Variants in HUWE1 observed in about 807,000 individuals in gnomAD.
HUWE1 encodes HECT, UBA and WWE domain containing E3 ubiquitin protein ligase 1, also known as E3 ubiquitin-protein ligase HUWE1.
HUWE1 carries 18 observed loss-of-function variants against 299.4 expected under a neutral mutation model. That is an observed-to-expected ratio of 0.06 (90% CI 0.04 to 0.09). The LOEUF (loss-of-function observed/expected upper bound fraction) is 0.09. Ranked by LOEUF, HUWE1 falls within the 10% of genes least tolerant of loss-of-function variation. The pLI, the probability that HUWE1 is intolerant of heterozygous loss-of-function variation, is 1.00. For missense variants in HUWE1, 1,832 were observed against 3,462.3 expected (o/e 0.53, Z 11.82); for synonymous variants, 1,317 against 1,286.1 (o/e 1.02, Z -0.51).
chrX:53,679,173 GAAAAA>G (rs1310230952), intron 3 of HUWE1, among the ~76,000 whole-genome samples: 2 of 98,926 alleles, frequency 2.0e-5, no homozygotes, highest in Admixed American at 1.1e-4. Context: ...TAAATTGGAA[GAAAAA>G]AAAAACAAAA....
At chrX:53,642,147 G>A (rs2067640989) in intron 7 of HUWE1, among the ~76,000 whole-genome samples, 1 of 111,411 alleles carries the variant, frequency 9.0e-6, no homozygotes, top group South Asian at 3.7e-4. Flanking sequence ...CTGAAACCAT[G>A]GCAATCGAAA....
intron 23 of HUWE1, among the ~76,000 whole-genome samples, chrX:53,610,974 T>C (rs1266073853): frequency 9.1e-6 from 1 of 110,352 alleles, no homozygotes; most frequent in Non-Finnish European, 1.9e-5. Flanking sequence ...TATCAGATTT[T>C]CTGAGATCAA....
intron 19 of HUWE1, among the ~76,000 whole-genome samples, chrX:53,619,561 G>T (rs1315334523): frequency 1.6e-5 from 1 of 60,834 alleles, no homozygotes; most frequent in Non-Finnish European, 3.1e-5. Flanking sequence ...GTTTCCAGGA[G>T]AAAGTTAAAA....
At chrX:53,608,677 G>A (rs1556999198) in intron 24 of HUWE1, among the ~76,000 whole-genome samples, 175 bp downstream of exon 24, 1 of 111,931 alleles carries the variant, frequency 8.9e-6, no homozygotes, top group African/African-American at 3.2e-5. Flanking sequence ...GGCTTGTGTT[G>A]GCTAATTTCT....
intron 46 of HUWE1, 65 bp downstream of exon 46, chrX:53,575,090 T>C (rs1556957101): frequency 4.8e-6 from 4 of 836,635 alleles, no homozygotes; most frequent in South Asian, 4.3e-5. Flanking sequence ...ACAGGACACC[T>C]ACAGTTTTTT....
chrX:53,557,338 C>T, intron 60 of HUWE1, 44 bp downstream of exon 60: 1 of 1,129,714 alleles, frequency 8.9e-7, no homozygotes. Context: ...GATAAAGAAG[C>T]AACCAATTGA....
chrX:53,553,121 C>A (rs2061834476), intron 61 of HUWE1, among the ~76,000 whole-genome samples: 1 of 111,109 alleles, frequency 9.0e-6, no homozygotes, highest in African/African-American at 3.3e-5. Context: ...TGTGAAACAT[C>A]TTCCCTAGGC....
In HUWE1 at chrX:53,628,738, C is replaced by A; in HGVS notation, c.1114+14G>T. The A allele has an allele frequency of 8.3e-7, 1 of 1,210,952 alleles. No homozygotes were observed. Among genetic ancestry groups the A allele is most frequent in the Non-Finnish European group, 1.1e-6 (1 of 894,788 alleles). On this transcript the variant is annotated intron_variant, in intron 14 of 83. Transcript: ENST00000262854. Reference sequence around the variant, plus strand: ...TGTTTCTTCTTGCCTAAGATAATCACCATCAAAACTTACCAATCATGGCCT... The same window carrying A: ...TGTTTCTTCTTGCCTAAGATAATCAACATCAAAACTTACCAATCATGGCCT...
chrX:53,564,430 C>T (rs2062435126), intron 51 of HUWE1, 144 bp downstream of exon 51: 1 of 646,691 alleles, frequency 1.5e-6, no homozygotes, highest in African/African-American at 2.1e-5. Flanking sequence ...ATTTACTGAG[C>T]ATCTACTAAG....
In HUWE1 at chrX:53,628,537, C is replaced by T; in HGVS notation, c.1198G>A (p.Gly400Ser). 1 of 1,164,688 alleles carries T rather than the reference C, an allele frequency of 8.6e-7. No homozygotes were observed. Among genetic ancestry groups the T allele is most frequent in the Non-Finnish European group, 1.1e-6 (1 of 871,461 alleles). The change falls in exon 15 of 84, where the codon GGT becomes AGT. Residue 400 changes from glycine to serine, a missense_variant. By Grantham distance (56) the Gly-to-Ser change is moderately conservative. Transcript: ENST00000262854. ...LYHLASYDAG[G>S]EALVSCGMME... ...ATTCCACAGGAGACCAAGGCTTCAC[C>T]ACCAGCATCGTAGCTGGCCAGATGG...
Position 53,546,744 on chromosome X carries a change from G to A in HUWE1, c.10718C>T (p.Ser3573Phe), listed in dbSNP as rs1239091435. 1 of 1,209,414 alleles carries A rather than the reference G, an allele frequency of 8.3e-7. No individual in the cohort carries two copies. The highest frequency in any genetic ancestry group is 1.1e-6 in the Non-Finnish European group (1 of 894,709). The change falls in exon 69 of 84, where the codon TCC (serine) becomes TTC (phenylalanine). Residue 3573 changes from serine (S) to phenylalanine (F), a missense_variant. This residue lies in a region of HUWE1 where 48 missense variants were observed against 87.0 expected (regional missense o/e 0.55). Transcript: ENST00000262854. Reference sequence around the variant, plus strand: ...TAGCTGGTTTTCAGTGAGGCCAGAGGACACCATCTTAAAGTCTGTACTGCT... The same window carrying A: ...TAGCTGGTTTTCAGTGAGGCCAGAGAACACCATCTTAAAGTCTGTACTGCT... The part of the protein sequence containing the change: ...GSSSTDFKMV[S>F]SGLTENQLQL...
intron 2 of HUWE1, among the ~76,000 whole-genome samples, chrX:53,684,328 G>A (rs2070359744): frequency 8.9e-6 from 1 of 112,365 alleles, no homozygotes; most frequent in Non-Finnish European, 1.9e-5. Flanking sequence ...TCCTAAAAAG[G>A]AGAAAGGCGG....
At chrX:53,582,405 G>A (rs781849928) in intron 42 of HUWE1, among the ~76,000 whole-genome samples, 4 of 112,270 alleles carry the variant, frequency 3.6e-5, no homozygotes, top group Non-Finnish European at 7.5e-5. Context: ...GTGAAATCAA[G>A]CAGGCTGTGT....
In HUWE1 at chrX:53,540,863, T is replaced by C. The variant is rs1430946545; in HGVS notation, c.11477-1051A>G. ...ATACACCTGGCCCTGCTTAGGTTTC[T>C]TCCTGACCTTTGCTGTTCATCCTTT... On this transcript the variant is annotated intron_variant, in intron 74 of 83. Coordinates refer to ENST00000262854, the MANE Select transcript of HUWE1 (RefSeq NM_031407.7). Among the ~76,000 whole-genome samples the C allele has an allele frequency of 2.7e-5, 3 of 111,926 alleles. No individual in the cohort carries two copies. In the East Asian group the frequency reaches 8.4e-4, roughly 31 times the overall value.
intron 82 of HUWE1, 144 bp from the exon 83 acceptor site, chrX:53,534,341 T>A: frequency 1.4e-6 from 1 of 691,777 alleles, no homozygotes; most frequent in Non-Finnish European, 2.2e-6. Flanking sequence ...CTTTCATTCA[T>A]AAGACGGCCA....
intron 3 of HUWE1, among the ~76,000 whole-genome samples, chrX:53,668,114 T>C (rs1163934064): frequency 3.6e-5 from 4 of 110,833 alleles, no homozygotes; most frequent in African/African-American, 1.3e-4. Flanking sequence ...TCTCATGTCC[T>C]TGGGTTTGCA....
At chrX:53,633,310 T>C (rs909024697) in intron 8 of HUWE1, among the ~76,000 whole-genome samples, 4 of 112,693 alleles carry the variant, frequency 3.5e-5, no homozygotes, top group Non-Finnish European at 7.5e-5. Flanking sequence ...TCTGAATTTT[T>C]TAACATGTAT....
At chrX:53,617,597 C>T in intron 19 of HUWE1, 151 bp from the exon 20 acceptor site, 1 of 468,888 alleles carries the variant, frequency 2.1e-6, no homozygotes, top group Non-Finnish European at 3.8e-6. Context: ...AATACTGCTC[C>T]ATCAGAGATT....
intron 67 of HUWE1, 96 bp from the exon 68 acceptor site, chrX:53,548,369 C>T: frequency 2.9e-6 from 3 of 1,026,995 alleles, no homozygotes; most frequent in Non-Finnish European, 4.0e-6. Flanking sequence ...CAGACTCCTT[C>T]AGACAATTTT....
Sources: allele counts gnomAD v4.1 joint callset (sites outside exome capture counted in the v4.1 genomes callset), GRCh38; gene constraint gnomAD v4.1.1; regional missense constraint gnomAD v4.1.1; transcripts MANE v1.5; gene names NCBI Gene and HGNC (gene_info 2026-07-23, HGNC 2026-07-21).